The following CRACR2A variants were observed in gnomAD, a reference collection of about 807,000 sequenced individuals.
The protein encoded by CRACR2A is EF-hand calcium-binding domain-containing protein 4B.
CRACR2A carries 79 observed loss-of-function variants against 90.5 expected under a neutral mutation model. The observed-to-expected ratio is 0.87, with a 90% CI of 0.73 to 1.05. The LOEUF is 1.05. CRACR2A is among the 50% of genes least tolerant of loss of function. The pLI is 0.00. For synonymous variants in CRACR2A, 338 were observed against 356.7 expected, an observed-to-expected ratio of 0.95 and a Z score of 0.59; for missense variants, 823 against 897.2, an observed-to-expected ratio of 0.92 and a Z score of 1.06.
chr12:3,638,271 A>T lies in CRACR2A; in HGVS notation c.1455T>A (p.Gly485=). Residue 485 remains glycine (G), a synonymous_variant, in exon 14 of 20, where the codon GGT becomes GGA. Transcript: ENST00000440314. ...EEDPLPQLLD[G]GFEQPLSKCS... Reference sequence around the variant, plus strand: ...ATTTGCTCAGGGGTTGCTCAAAGCCACCATCCAGGAGCTGGGGCAGGGGGT... The same window carrying T: ...ATTTGCTCAGGGGTTGCTCAAAGCCTCCATCCAGGAGCTGGGGCAGGGGGT... 1.3e-6 allele frequency: 2 copies of T among 1,551,666 alleles called. No individual in the cohort carries two copies. The highest frequency in any genetic ancestry group is 2.4e-5 in the South Asian group (2 of 84,060).
intron 4 of CRACR2A, among the ~76,000 whole-genome samples, chr12:3,693,593 C>T (rs1046449546): frequency 6.6e-5 from 10 of 152,284 alleles, no homozygotes; most frequent in Non-Finnish European, 2.9e-5. Context: ...ATATGAAATT[C>T]TGGGTTAGAA....
intron 13 of CRACR2A, 52 bp from the exon 14 acceptor site, chr12:3,638,506 A>C: frequency 6.8e-7 from 1 of 1,473,738 alleles, no homozygotes; most frequent in Non-Finnish European, 9.0e-7. Context: ...AAAATATTTC[A>C]ATACGGGCTG....
At chr12:3,719,977 G>A (rs1202686785) in intron 2 of CRACR2A, among the ~76,000 whole-genome samples, 1 of 151,808 alleles carries the variant, frequency 6.6e-6, no homozygotes, top group East Asian at 1.9e-4. Flanking sequence ...AAATTAGCTG[G>A]GCGTGGTGGC....
At chr12:3,688,360 T>C (rs1318113786) in intron 4 of CRACR2A, among the ~76,000 whole-genome samples, 1 of 152,226 alleles carries the variant, frequency 6.6e-6, no homozygotes. Flanking sequence ...TGAGTTTTGT[T>C]TTGTATATTG....
intron 9 of CRACR2A, among the ~76,000 whole-genome samples, chr12:3,655,139 G>A (rs1436551789): frequency 1.3e-5 from 2 of 152,228 alleles, no homozygotes; most frequent in Non-Finnish European, 2.9e-5. Flanking sequence ...CCGGCAAGGG[G>A]AGGAAGAAGT....
chr12:3,626,949 C>T (rs547507041), intron 17 of CRACR2A, among the ~76,000 whole-genome samples: 207 of 152,290 alleles, frequency 1.4e-3, no homozygotes, highest in Admixed American at 2.3e-3. Context: ...AGAGCTGTGA[C>T]AGAGGCCCCC....
chr12:3,672,292 C>T (rs1558249), intron 7 of CRACR2A, among the ~76,000 whole-genome samples: 22,384 of 152,102 alleles, frequency 0.15, 1,791 homozygotes, highest in South Asian at 0.26. Flanking sequence ...GGTGATCTTG[C>T]TCAATTAGAG....
At chr12:3,659,163 T>G (rs1378195497) in intron 8 of CRACR2A, among the ~76,000 whole-genome samples, 1 of 152,120 alleles carries the variant, frequency 6.6e-6, no homozygotes, top group Admixed American at 6.5e-5. Context: ...ATCTAGGAAG[T>G]CAATGTCAGA....
At chr12:3,648,375 G>A (rs1944729360) in intron 11 of CRACR2A, 167 bp downstream of exon 11, 11 of 1,518,944 alleles carry the variant, frequency 7.2e-6, no homozygotes, top group Non-Finnish European at 7.1e-6. Context: ...ATAATAGAGT[G>A]GCTACTTGGT....
rs145287885 is a variant in CRACR2A, at chr12:3,617,924, C to T, written c.2035-894G>A. Among the ~76,000 whole-genome samples the T allele has an allele frequency of 5.9e-5, 9 of 152,298 alleles. No homozygotes were observed. The South Asian group carries it at 1.9e-3, about 32-fold the overall frequency. On this transcript the variant is annotated intron_variant, in intron 18 of 19. Transcript: ENST00000440314. ...CCAGCTCGACCCTCTGCCCTTTTCA[C>T]CCAGCCCCATGGGCTCTATTTCTCC...
chr12:3,685,829 G>A (rs533530210), intron 4 of CRACR2A, among the ~76,000 whole-genome samples: 1 of 152,332 alleles, frequency 6.6e-6, no homozygotes, highest in South Asian at 2.1e-4. Context: ...AGAAGAAAGT[G>A]AATGTACTTA....
At chr12:3,693,427 C>T (rs189765256) in intron 4 of CRACR2A, among the ~76,000 whole-genome samples, 1 of 152,350 alleles carries the variant, frequency 6.6e-6, no homozygotes, top group East Asian at 1.9e-4. Context: ...GAGTTCAGGT[C>T]TGACAGTTCC....
chr12:3,620,823 C>T (rs1211838380), intron 17 of CRACR2A, among the ~76,000 whole-genome samples: 1 of 152,236 alleles, frequency 6.6e-6, no homozygotes, highest in African/African-American at 2.4e-5. Context: ...TGTCTTCTGA[C>T]CCATCAAAAA....
rs567953104 is a variant in CRACR2A, at chr12:3,746,579, T to C, written c.-387+6436A>G. ...GAACTGTGAGAAAATAAATTTCGGT[T>C]GTCTGTGATATTTTGTTCTGTCTGC... is the stretch of plus-strand genomic sequence containing the variant. On this transcript the variant is annotated intron_variant, in intron 1 of 19. Coordinates refer to ENST00000440314, the MANE Select transcript of CRACR2A (RefSeq NM_001144958.2). The surrounding 1 kb of genome is among the most constrained non-coding windows in gnomAD (Gnocchi z 4.4). Among the ~76,000 whole-genome samples the C allele has an allele frequency of 5.3e-5, 8 of 152,354 alleles. No homozygotes were observed. The highest frequency in any genetic ancestry group is 1.7e-4 in the African/African-American group (7 of 41,586).
intron 2 of CRACR2A, among the ~76,000 whole-genome samples, chr12:3,717,298 G>A (rs1946096544): frequency 6.6e-6 from 1 of 152,168 alleles, no homozygotes; most frequent in South Asian, 2.1e-4. Context: ...TGGTTTCTAA[G>A]TGTCTCTCTA....
chr12:3,688,566 G>A (rs1004484022), intron 4 of CRACR2A, among the ~76,000 whole-genome samples: 3 of 152,138 alleles, frequency 2.0e-5, no homozygotes, highest in African/African-American at 4.8e-5. Context: ...TTTTGTGTCA[G>A]TACCATGCTG....
chr12:3,675,988 C>A (rs1179595511), intron 6 of CRACR2A, among the ~76,000 whole-genome samples: 2 of 152,096 alleles, frequency 1.3e-5, no homozygotes, highest in Non-Finnish European at 2.9e-5. Flanking sequence ...CACCTCTGAT[C>A]AGTTATCTGG....
At chr12:3,712,764 T>C (rs1013930305) in intron 3 of CRACR2A, among the ~76,000 whole-genome samples, 2 of 152,176 alleles carry the variant, frequency 1.3e-5, no homozygotes, top group African/African-American at 2.4e-5. Context: ...TGAACAGTGA[T>C]GCTGTACACC....
At chr12:3,684,757 G>A (rs1945523449) in intron 4 of CRACR2A, among the ~76,000 whole-genome samples, 1 of 152,222 alleles carries the variant, frequency 6.6e-6, no homozygotes, top group African/African-American at 2.4e-5. Flanking sequence ...AGATATAATT[G>A]TCCTGTTGAC....
Sources: gnomAD v4.1 joint callset for allele counts (sites outside exome capture counted in the v4.1 genomes callset) on GRCh38, gnomAD v4.1.1 for gene constraint, Gnocchi (gnomAD v3.1) non-coding constraint, MANE v1.5 for transcripts, NCBI Gene and HGNC (gene_info 2026-07-23, HGNC 2026-07-21) for gene names.